NCS1: variants seen among roughly 807,000 people sequenced by gnomAD.
NCS1 encodes the protein neuronal calcium sensor 1.
NCS1 carries 6 observed loss-of-function variants against 28.4 expected under a neutral mutation model. The ratio of observed to expected loss-of-function variants is 0.21; its 90% CI spans 0.12 to 0.42. The LOEUF (loss-of-function observed/expected upper bound fraction) is 0.42. Ranked by LOEUF, NCS1 falls within the 10% of genes least tolerant of loss-of-function variation. The pLI is 1.00. For synonymous variants in NCS1, 86 were observed against 99.3 expected (o/e 0.87, Z 0.79); for missense variants, 131 against 241.4 (o/e 0.54, Z 3.03).
intron 1 of NCS1, among the ~76,000 whole-genome samples, chr9:130,184,905 C>T (rs1049223006): frequency 6.6e-6 from 1 of 151,034 alleles, no homozygotes; most frequent in East Asian, 2.0e-4. Flanking sequence ...GCTGGGATTC[C>T]GTGAGCTGAG....
At chr9:130,204,043 A>G (rs1478617591) in intron 2 of NCS1, among the ~76,000 whole-genome samples, 2 of 152,062 alleles carry the variant, frequency 1.3e-5, no homozygotes, top group African/African-American at 2.4e-5. Context: ...CCCAGGCCAG[A>G]GTGCAGTGGC....
intron 4 of NCS1, among the ~76,000 whole-genome samples, chr9:130,220,729 GTTTCTT>G (rs1180311297): frequency 3.3e-5 from 5 of 151,672 alleles, no homozygotes; most frequent in South Asian, 4.2e-4. Flanking sequence ...AGACCCTGCA[GTTTCTT>G]TTTCTTTTTC....
In NCS1 at chr9:130,215,433, C is replaced by T. The variant is rs1196638927; in HGVS notation, c.90-2399C>T. On this transcript the variant is annotated intron_variant, in intron 2 of 7. Transcript: ENST00000372398. This position sits in a 1 kb window ranked among gnomAD's most constrained non-coding sequence, Gnocchi z 4.2. Reference sequence around the variant, plus strand: ...GCTCAGAACAGACCTCAGGGCTGAGCAGAGGCCAGTAGACCCTGAGAGTCC... The same window carrying T: ...GCTCAGAACAGACCTCAGGGCTGAGTAGAGGCCAGTAGACCCTGAGAGTCC... Among the ~76,000 whole-genome samples the T allele has an allele frequency of 6.6e-6, 1 of 152,168 alleles. No individual in the cohort carries two copies. The highest frequency in any genetic ancestry group is 1.5e-5 in the Non-Finnish European group (1 of 68,032).
At chr9:130,196,305 G>A (rs1832877778) in intron 1 of NCS1, among the ~76,000 whole-genome samples, 1 of 152,220 alleles carries the variant, frequency 6.6e-6, no homozygotes, top group South Asian at 2.1e-4. Context: ...ATGTGGTGGT[G>A]CAGGGATGCC....
intron 1 of NCS1, among the ~76,000 whole-genome samples, chr9:130,193,122 G>A (rs552830916): frequency 6.6e-6 from 1 of 152,282 alleles, no homozygotes; most frequent in Non-Finnish European, 1.5e-5. Context: ...CACTCCCTCC[G>A]CTCTGACTTA....
intron 7 of NCS1, among the ~76,000 whole-genome samples, chr9:130,227,237 G>C (rs1833428281): frequency 1.3e-5 from 2 of 152,154 alleles, no homozygotes; most frequent in Non-Finnish European, 2.9e-5. Context: ...GTAGAGAGCT[G>C]TCTCCCTTCT....
At chr9:130,184,938 T>C (rs1832719595) in intron 1 of NCS1, among the ~76,000 whole-genome samples, 1 of 149,746 alleles carries the variant, frequency 6.7e-6, no homozygotes, top group South Asian at 2.2e-4. Flanking sequence ...CAGTCCAGCC[T>C]GGGCGACAGA....
At chr9:130,227,682 T>C (rs1244167112) in intron 7 of NCS1, among the ~76,000 whole-genome samples, 1 of 152,238 alleles carries the variant, frequency 6.6e-6, no homozygotes, top group Non-Finnish European at 1.5e-5. Context: ...TATAAGTGTA[T>C]CACCCATTTT....
At chr9:130,208,890 G>A (rs1468204007) in intron 2 of NCS1, among the ~76,000 whole-genome samples, 3 of 152,188 alleles carry the variant, frequency 2.0e-5, no homozygotes, top group African/African-American at 4.8e-5. Flanking sequence ...GTGTGTGTGT[G>A]TGTGGAGTCT....
At chr9:130,185,866 C>A (rs547719469) in intron 1 of NCS1, among the ~76,000 whole-genome samples, 1 of 152,254 alleles carries the variant, frequency 6.6e-6, no homozygotes. Flanking sequence ...TCAGGCTTTC[C>A]GTGATGAGGC....
Position 130,177,010 on chromosome 9 carries a change from AG to A in NCS1, c.64+4287del, listed in dbSNP as rs199725621. ...CCCAGGGACCCTCGGTCTGGGACTC[AG>A]GGGTGGCCACCTCCTCCCTGTTGCC... On this transcript the variant is annotated intron_variant, in intron 1 of 7. Transcript: ENST00000372398. This position sits in a 1 kb window ranked among gnomAD's most constrained non-coding sequence, Gnocchi z 4.4. Among the ~76,000 whole-genome samples the A allele has an allele frequency of 4.3e-4, 65 of 152,276 alleles. No homozygotes were observed. The highest frequency in any genetic ancestry group is 1.4e-3 in the African/African-American group (58 of 41,554).
intron 2 of NCS1, among the ~76,000 whole-genome samples, chr9:130,203,345 G>A (rs1832983406): frequency 6.6e-6 from 1 of 151,784 alleles, no homozygotes; most frequent in South Asian, 2.1e-4. Flanking sequence ...TGAACTCCTG[G>A]GCTCAAGCCT....
intron 1 of NCS1, among the ~76,000 whole-genome samples, chr9:130,182,316 C>T (rs782559085): frequency 6.6e-6 from 1 of 152,158 alleles, no homozygotes. Context: ...TGCCTCCCAC[C>T]GTCTCTGTGA....
rs1334206764 is a variant in NCS1, at chr9:130,235,889, A to G, written c.*2917A>G. 6.6e-5 allele frequency: 10 copies of G among 152,366 alleles called. No homozygotes were observed. Among genetic ancestry groups the G allele is most frequent in the Admixed American group, 5.2e-4 (8 of 15,304 alleles). 9.4% of individuals were successfully genotyped at this position (152,366 alleles called of 1,614,324 possible). ...CCATAGTCCCTCTGCAGAGCCTCGC[A>G]CTGGGGCCAGGGCAGGCACCAGCCC... On this transcript the variant is annotated 3_prime_UTR_variant, in exon 8 of 8. Transcript: ENST00000372398.
In NCS1 at chr9:130,208,403, C is replaced by T. The variant is rs111730890; in HGVS notation, c.89+7421C>T. Among the ~76,000 whole-genome samples, 406 of 152,040 alleles carry T rather than the reference C, an allele frequency of 2.7e-3. 4 individuals carry two copies. Among genetic ancestry groups the T allele is most frequent in the African/African-American group, 9.5e-3 (395 of 41,474 alleles). On this transcript the variant is annotated intron_variant, in intron 2 of 7. Coordinates refer to ENST00000372398, the MANE Select transcript of NCS1 (RefSeq NM_014286.4). ...AAACGATTCTCCTGCCTCAGCCTCC[C>T]GAGTAGCTGGGATTACAGGCACCCA... is the stretch of plus-strand genomic sequence containing the variant.
chr9:130,189,450 T>C (rs782092388), intron 1 of NCS1, among the ~76,000 whole-genome samples: 1 of 152,120 alleles, frequency 6.6e-6, no homozygotes, highest in Non-Finnish European at 1.5e-5. Context: ...GCTTGTGGAA[T>C]GGGACTGATC....
intron 1 of NCS1, among the ~76,000 whole-genome samples, chr9:130,176,520 C>T (rs1384457903): frequency 1.3e-5 from 2 of 152,192 alleles, no homozygotes; most frequent in Non-Finnish European, 2.9e-5. Flanking sequence ...TTTGACCATA[C>T]AATACAGCTT....
intron 2 of NCS1, among the ~76,000 whole-genome samples, chr9:130,205,725 C>A (rs1833015663): frequency 6.6e-6 from 1 of 151,176 alleles, no homozygotes; most frequent in South Asian, 2.1e-4. Flanking sequence ...ATGGTCCCAG[C>A]TACTTGGCTG....
chr9:130,221,413 TAGAGAGAGAGAGAG>T (rs782666520), intron 4 of NCS1, among the ~76,000 whole-genome samples: 4 of 57,738 alleles, frequency 6.9e-5, no homozygotes, highest in East Asian at 5.9e-4. Flanking sequence ...TATATATATA[TAGAGAGAGAGAGAG>T]AGAGAGAGAG....
Sources: gnomAD v4.1 joint callset for allele counts (sites outside exome capture counted in the v4.1 genomes callset) on GRCh38, gnomAD v4.1.1 for gene constraint, Gnocchi (gnomAD v3.1) non-coding constraint, MANE v1.5 for transcripts, NCBI Gene and HGNC (gene_info 2026-07-23, HGNC 2026-07-21) for gene names.